The following C6orf62 variants were observed in gnomAD, a reference collection of about 807,000 sequenced individuals.
C6orf62 encodes uncharacterized protein C6orf62.
In C6orf62, 16 loss-of-function variants were observed where a neutral mutation model predicts 26.8. The ratio of observed to expected loss-of-function variants is 0.60; its 90% CI spans 0.40 to 0.91. The LOEUF (loss-of-function observed/expected upper bound fraction) is 0.91, where lower values mean the gene tolerates loss of function less well. Ranked by LOEUF, C6orf62 falls within the 40% of genes least tolerant of loss-of-function variation. C6orf62 has a pLI of 0.00. For missense variants in C6orf62, 192 were observed against 271.4 expected (o/e 0.71, Z 2.06); for synonymous variants, 112 against 91.5 (o/e 1.22, Z -1.28).
chr6:24,709,295 C>T (rs1006252769), intron 3 of C6orf62: 3 of 985,238 alleles, frequency 3.0e-6, no homozygotes, highest in Admixed American at 6.2e-5. Context: ...TAGTACTCCA[C>T]GATCATAAAA....
chr6:24,719,226 A>T, upstream of C6orf62: 2 of 987,708 alleles, frequency 2.0e-6, no homozygotes, highest in Non-Finnish European at 2.4e-6. Context: ...TAGGTGAATG[A>T]AACTGAAATA....
At chr6:24,713,290 C>CT (rs1419950837) in intron 3 of C6orf62, among the ~76,000 whole-genome samples, 1 of 152,138 alleles carries the variant, frequency 6.6e-6, no homozygotes, top group Non-Finnish European at 1.5e-5. Flanking sequence ...GTATACAGTA[C>CT]TTTCTTATGT....
chr6:24,720,293 G>T, upstream of C6orf62: 1 of 1,310,296 alleles, frequency 7.6e-7, no homozygotes, highest in Non-Finnish European at 9.7e-7. Flanking sequence ...AGAGGCGGCG[G>T]CGGCGGGGGC....
At chr6:24,710,181 GA>G in intron 3 of C6orf62, 1 of 985,108 alleles carries the variant, frequency 1.0e-6, no homozygotes, top group Non-Finnish European at 1.2e-6. Context: ...TTATACTGCT[GA>G]AGAGGACAAG....
At chr6:24,720,087 G>C (rs1380625964), upstream of C6orf62, 3 of 1,272,356 alleles carry the variant, frequency 2.4e-6, no homozygotes, top group Non-Finnish European at 2.0e-6. Context: ...CATGTTTCCA[G>C]AGTTTGGATT....
At chr6:24,714,183 A>G (rs1182400264) in intron 3 of C6orf62, 135 bp downstream of exon 3, 2 of 626,348 alleles carry the variant, frequency 3.2e-6, no homozygotes, top group African/African-American at 3.8e-5. Flanking sequence ...TTGCATCACA[A>G]TATTCTAAAT....
chr6:24,704,921 CTTTTT>C lies in C6orf62; in HGVS notation c.*1211_*1215del, dbSNP rs532472016. 2 of 151,750 alleles carry C rather than the reference CTTTTT, an allele frequency of 1.3e-5. No individual in the cohort carries two copies. Among genetic ancestry groups the C allele is most frequent in the Non-Finnish European group, 3.0e-5 (2 of 67,792 alleles). The allele number at this position is 151,750 out of a possible 1,614,324, so 9.4% of individuals were successfully genotyped here. ...CCTATTTTATTTAGGTTTTCTTTTT[CTTTTT>C]TTCTTTTTTTTTCAAATTCCAACCA... is the stretch of plus-strand genomic sequence containing the variant. On this transcript the variant is annotated 3_prime_UTR_variant, in exon 5 of 5. Transcript: ENST00000378119.
chr6:24,707,513 A>G (rs1253580001), intron 4 of C6orf62, among the ~76,000 whole-genome samples: 4 of 151,854 alleles, frequency 2.6e-5, no homozygotes, highest in Admixed American at 2.0e-4. Flanking sequence ...ACACGCCACA[A>G]TGTCCGGCTA....
At chr6:24,713,381 T>C (rs1779159173) in intron 3 of C6orf62, among the ~76,000 whole-genome samples, 1 of 152,228 alleles carries the variant, frequency 6.6e-6, no homozygotes, top group African/African-American at 2.4e-5. Context: ...AGCTTATGTG[T>C]AGCAACATTA....
At chr6:24,719,732 C>G, upstream of C6orf62, 1 of 1,529,182 alleles carries the variant, frequency 6.5e-7, no homozygotes. Context: ...GATTTATCTT[C>G]TTGTGAGCAT....
At chr6:24,719,503 C>G, upstream of C6orf62, 1 of 1,130,800 alleles carries the variant, frequency 8.8e-7, no homozygotes, top group South Asian at 2.5e-5. Context: ...TTCCCCATCA[C>G]CCACATTTTC....
upstream of C6orf62, chr6:24,719,989 G>A (rs1425204156): frequency 1.9e-6 from 3 of 1,540,798 alleles, no homozygotes; most frequent in East Asian, 2.4e-5. Context: ...GAAAATAATT[G>A]TGTTAATATT....
upstream of C6orf62, chr6:24,719,970 G>A (rs1488888046): frequency 1.9e-6 from 3 of 1,541,826 alleles, no homozygotes; most frequent in South Asian, 1.2e-5. Context: ...GTTCAGTGGG[G>A]GAAAAAAAGA....
At position 24,714,413 on chromosome 6, in the gene C6orf62, C is replaced by T. The variant is rs763245732; in HGVS notation, c.334G>A (p.Asp112Asn). ...RDVIGCTQEM[D>N]FILWPRNDIE... ...TCATTCCGAGGCCAAAGAATGAAAT[C>T]CATCTCCTGAGTACAGCCAATTACA... Residue 112 changes from aspartate (D) to asparagine (N), a missense_variant, in exon 3 of 5, where the codon GAT (aspartate) becomes AAT (asparagine). Transcript: ENST00000378119. 3.7e-6 allele frequency: 6 copies of T among 1,607,234 alleles called. No individual in the cohort carries two copies. The highest frequency in any genetic ancestry group is 5.1e-6 in the Non-Finnish European group (6 of 1,176,192).
In C6orf62 at chr6:24,718,914, G is replaced by T; in HGVS notation, c.-246C>A. 6 of 1,274,624 alleles carry T rather than the reference G, an allele frequency of 4.7e-6. No homozygotes were observed. The highest frequency in any genetic ancestry group is 4.9e-6 in the Non-Finnish European group (5 of 1,011,172). The allele number at this position is 1,274,624 out of a possible 1,614,324, so 79.0% of individuals were successfully genotyped here. A position where few individuals can be genotyped will look rare whatever the true frequency, so the allele number is the denominator to read the frequency against. The stretch of plus-strand genomic sequence containing the variant: ...TGGACAATAACGTTTGGGGTCAGAC[G>T]GGAAAAAGGGAGGAAAGAAAGGAAA... On this transcript the variant is annotated 5_prime_UTR_variant, in exon 1 of 5. Transcript: ENST00000378119.
upstream of C6orf62, chr6:24,719,784 C>T: frequency 6.5e-7 from 1 of 1,546,282 alleles, no homozygotes; most frequent in East Asian, 2.5e-5. Context: ...AAATCCCAGG[C>T]GGTGCCCGGA....
chr6:24,717,744 C>T (rs976675802), intron 1 of C6orf62, among the ~76,000 whole-genome samples: 4 of 152,198 alleles, frequency 2.6e-5, no homozygotes, highest in African/African-American at 9.7e-5. Flanking sequence ...AATTTAAGCA[C>T]CAAAATCCAA....
chr6:24,720,360 C>T (rs1779331893), upstream of C6orf62: 10 of 1,228,662 alleles, frequency 8.1e-6, no homozygotes, highest in South Asian at 1.2e-4. Flanking sequence ...CCAACTGAGC[C>T]CCTCCATCCC....
intron 4 of C6orf62, among the ~76,000 whole-genome samples, chr6:24,707,520 G>T (rs1368256989): frequency 6.6e-6 from 1 of 151,890 alleles, no homozygotes; most frequent in Non-Finnish European, 1.5e-5. Context: ...ACAATGTCCG[G>T]CTAATTTCTT....
Sources: allele counts gnomAD v4.1 joint callset (sites outside exome capture counted in the v4.1 genomes callset), GRCh38; gene constraint gnomAD v4.1.1; transcripts MANE v1.5; gene names NCBI Gene and HGNC (gene_info 2026-07-23, HGNC 2026-07-21).